The following GTPBP10 variants were observed in gnomAD, a reference collection of about 807,000 sequenced individuals.
GTPBP10 encodes the protein GTP-binding protein 10.
Under a neutral mutation model 44.8 loss-of-function variants are expected in GTPBP10, and 38 were observed. The ratio of observed to expected loss-of-function variants is 0.85; its 90% CI spans 0.65 to 1.11. GTPBP10 has a LOEUF of 1.11. GTPBP10 is among the 50% of genes most tolerant of loss of function. GTPBP10 has a pLI of 0.00. For missense variants in GTPBP10, 462 were observed against 453.7 expected (o/e 1.02, Z -0.17); for synonymous variants, 152 against 150.6 (o/e 1.01, Z -0.07).
At chr7:90,347,334 T>C (rs1207826806) in intron 1 of GTPBP10, among the ~76,000 whole-genome samples, 1 of 152,210 alleles carries the variant, frequency 6.6e-6, no homozygotes, top group African/African-American at 2.4e-5. Flanking sequence ...GCGTCATATT[T>C]GGCCATTACT....
At position 90,374,311 on chromosome 7, in the gene GTPBP10, T is replaced by G; in HGVS notation, c.548T>G (p.Leu183Ter). ...PAIADYAFTT[L>*]KPELGKIMYS... ...CTGTGTTTCCTTTTAGTTACAACAT[T>G]AAAGCCTGAACTTGGAAAGATAATG... Residue 183 changes from leucine to a stop codon, truncating the protein, a stop_gained, in exon 6 of 10, where the codon TTA becomes TGA. Coordinates refer to ENST00000222511, the MANE Select transcript of GTPBP10 (RefSeq NM_033107.4). LOFTEE classifies it high-confidence loss of function. The G allele has an allele frequency of 6.3e-7, 1 of 1,596,692 alleles. No homozygotes were observed. Among genetic ancestry groups the G allele is most frequent in the Non-Finnish European group, 8.6e-7 (1 of 1,164,834 alleles).
At chr7:90,376,535 C>T (rs990952012) in intron 6 of GTPBP10, among the ~76,000 whole-genome samples, 2 of 152,162 alleles carry the variant, frequency 1.3e-5, no homozygotes, top group Non-Finnish European at 2.9e-5. Flanking sequence ...CTCTGCTCCT[C>T]ATGTAATGCC....
chr7:90,368,194 C>T (rs932030683), intron 4 of GTPBP10, among the ~76,000 whole-genome samples: 1 of 152,198 alleles, frequency 6.6e-6, no homozygotes, highest in African/African-American at 2.4e-5. Flanking sequence ...CCGTACCTTT[C>T]TCTCTGGCTG....
rs139640162 is a variant in GTPBP10 at position 90,351,734 on chromosome 7, C to T, written c.34-1082C>T. 1.6e-4 allele frequency among the ~76,000 whole-genome samples: 25 copies of T among 151,914 alleles called. No individual in the cohort carries two copies. In the East Asian group the frequency reaches 2.9e-3, roughly 18 times the overall value. ...TTTTTGAGACGGAGTCTCGCTCTGT[C>T]GCCCAGGCTAGAGTGCAGTGGCTTG... is the stretch of plus-strand genomic sequence containing the variant. On this transcript the variant is annotated intron_variant, in intron 1 of 9. Coordinates refer to ENST00000222511, the MANE Select transcript of GTPBP10 (RefSeq NM_033107.4).
At chr7:90,356,282 C>A (rs1795899588) in intron 4 of GTPBP10, among the ~76,000 whole-genome samples, 1 of 152,106 alleles carries the variant, frequency 6.6e-6, no homozygotes, top group South Asian at 2.1e-4. Flanking sequence ...AAGATGTGAT[C>A]CTGGCTTGCC....
chr7:90,346,861 G>C lies in GTPBP10; in HGVS notation c.33+87G>C, dbSNP rs953645298. ...CCCCTGTCTCTCCACTACTGTCTTC[G>C]TGGCGGCCTTTTCCTTGCTTGGTTT... On this transcript the variant is annotated intron_variant, in intron 1 of 9. Coordinates refer to ENST00000222511, the MANE Select transcript of GTPBP10 (RefSeq NM_033107.4). 4.8e-6 allele frequency: 7 copies of C among 1,448,606 alleles called. No individual in the cohort carries two copies. In the African/African-American group the frequency reaches 7.0e-5, roughly 15 times the overall value. The allele number at this position is 1,448,606 out of a possible 1,614,324, so 89.7% of individuals were successfully genotyped here. A position where few individuals can be genotyped will look rare whatever the true frequency, so the allele number is the denominator to read the frequency against.
intron 7 of GTPBP10, 143 bp downstream of exon 7, chr7:90,377,757 T>G: frequency 3.2e-6 from 2 of 620,154 alleles, no homozygotes; most frequent in Non-Finnish European, 5.4e-6. Context: ...GGAAGTGACA[T>G]TGTTTACTAT....
intron 6 of GTPBP10, 100 bp from the exon 7 acceptor site, chr7:90,377,407 A>G (rs1238350035): frequency 1.5e-6 from 1 of 682,518 alleles, no homozygotes; most frequent in Non-Finnish European, 2.5e-6. Flanking sequence ...ATAAGTTAGG[A>G]ACTGTTTATA....
intron 4 of GTPBP10, among the ~76,000 whole-genome samples, chr7:90,371,022 A>G (rs966572452): frequency 5.3e-5 from 8 of 150,050 alleles, no homozygotes; most frequent in East Asian, 2.1e-4. Flanking sequence ...TAAATAAATA[A>G]ATAAATAAAT....
At chr7:90,361,438 T>C (rs1340612603) in intron 4 of GTPBP10, among the ~76,000 whole-genome samples, 1 of 152,246 alleles carries the variant, frequency 6.6e-6, no homozygotes, top group Non-Finnish European at 1.5e-5. Context: ...ATTACATTTA[T>C]TGCTTTGCGT....
intron 1 of GTPBP10, 46 bp downstream of exon 1, chr7:90,346,820 C>G: frequency 1.3e-6 from 2 of 1,592,008 alleles, no homozygotes; most frequent in South Asian, 1.1e-5. Context: ...GCTGACAGCT[C>G]TGGTTCTTCT....
intron 7 of GTPBP10, 35 bp from the exon 8 acceptor site, chr7:90,378,099 G>C: frequency 6.3e-7 from 1 of 1,581,698 alleles, no homozygotes; most frequent in Non-Finnish European, 8.7e-7. Flanking sequence ...TTCTTCGTAT[G>C]TTAAAGGCTG....
chr7:90,357,639 T>C (rs552061230), intron 4 of GTPBP10, among the ~76,000 whole-genome samples: 2 of 152,334 alleles, frequency 1.3e-5, no homozygotes, highest in East Asian at 3.9e-4. Context: ...ATAAGAACTC[T>C]GTGAAGGCGG....
chr7:90,363,435 T>C (rs969938305), intron 4 of GTPBP10, among the ~76,000 whole-genome samples: 2 of 152,232 alleles, frequency 1.3e-5, no homozygotes, highest in African/African-American at 4.8e-5. Context: ...TTGAAAATTC[T>C]TTTCTTTAAG....
Position 90,390,536 on chromosome 7 carries a change from T to C in GTPBP10, c.*5382T>C, listed in dbSNP as rs1796596031. The C allele has an allele frequency of 6.6e-6, 1 of 152,222 alleles. No individual in the cohort carries two copies. The highest frequency in any genetic ancestry group is 1.5e-5 in the Non-Finnish European group (1 of 68,036). 9.4% of individuals were successfully genotyped at this position (152,222 alleles called of 1,614,324 possible). A position where few individuals can be genotyped will look rare whatever the true frequency, so the allele number is the denominator to read the frequency against. On this transcript the variant is annotated 3_prime_UTR_variant, in exon 10 of 10. Coordinates refer to ENST00000222511, the MANE Select transcript of GTPBP10 (RefSeq NM_033107.4). ...TGGGATGTACAGGTAAGATAAGCTA[T>C]GTGAAGCATAGCTGTTATCCAAGTC...
Position 90,374,296 on chromosome 7 carries a change from T to C in GTPBP10, c.539-6T>C, listed in dbSNP as rs758316393. 20 of 1,584,920 alleles carry C rather than the reference T, an allele frequency of 1.3e-5. No individual in the cohort carries two copies. In the East Asian group the frequency reaches 2.7e-4, roughly 21 times the overall value. On this transcript the variant is annotated splice_polypyrimidine_tract_variant and splice_region_variant and intron_variant, in intron 5 of 9. Coordinates refer to ENST00000222511, the MANE Select transcript of GTPBP10 (RefSeq NM_033107.4). ...AGCCTTAATTTATTGCTGTGTTTCC[T>C]TTTAGTTACAACATTAAAGCCTGAA... is the stretch of plus-strand genomic sequence containing the variant.
rs755396579 is a variant in GTPBP10, at chr7:90,386,453, T to C, written c.*1299T>C. The C allele has an allele frequency of 6.6e-6, 1 of 152,242 alleles. No homozygotes were observed. The highest frequency in any genetic ancestry group is 2.4e-5 in the African/African-American group (1 of 41,470). The allele number at this position is 152,242 out of a possible 1,614,324, so 9.4% of individuals were successfully genotyped here. A position where few individuals can be genotyped will look rare whatever the true frequency, so the allele number is the denominator to read the frequency against. ...GAGACTGATCTATATTGTTTCATTT[T>C]TCTTTTGTCCTAGTCTATTTCACTT... On this transcript the variant is annotated 3_prime_UTR_variant, in exon 10 of 10. Coordinates refer to ENST00000222511, the MANE Select transcript of GTPBP10 (RefSeq NM_033107.4).
At chr7:90,365,719 A>C (rs752294937) in intron 4 of GTPBP10, among the ~76,000 whole-genome samples, 1 of 152,176 alleles carries the variant, frequency 6.6e-6, no homozygotes, top group Admixed American at 6.5e-5. Context: ...CAACAGGACA[A>C]TTTGACTTTC....
chr7:90,370,289 A>G (rs962923235), intron 4 of GTPBP10, among the ~76,000 whole-genome samples: 4 of 152,142 alleles, frequency 2.6e-5, no homozygotes, highest in African/African-American at 9.7e-5. Flanking sequence ...TTGCAAAGAC[A>G]TGGAATCAAC....
Sources: allele counts gnomAD v4.1 joint callset (sites outside exome capture counted in the v4.1 genomes callset), GRCh38; gene constraint gnomAD v4.1.1; transcripts MANE v1.5; gene names NCBI Gene and HGNC (gene_info 2026-07-23, HGNC 2026-07-21).